CDK5RAP2: variants seen among roughly 807,000 people sequenced by gnomAD.
CDK5RAP2 encodes the protein CDK5 regulatory subunit associated protein 2.
CDK5RAP2 carries 147 observed loss-of-function variants against 232.9 expected under a neutral mutation model. That is an observed-to-expected ratio of 0.63 (90% confidence interval 0.55 to 0.72). The LOEUF is 0.72. Among genes scored for constraint, CDK5RAP2 ranks in the 30% least tolerant of loss-of-function variants. The probability of loss-of-function intolerance (pLI) is 0.00; values close to 1 mark genes in which losing one functional copy is unlikely to be tolerated. For missense variants in CDK5RAP2, 2,195 were observed against 2,231.5 expected, an observed-to-expected ratio of 0.98 and a Z score of 0.33; for synonymous variants, 833 against 833.7, an observed-to-expected ratio of 1.00 and a Z score of 0.01.
chr9:120,574,285 A>G (rs2042953605), intron 1 of CDK5RAP2, among the ~76,000 whole-genome samples: 1 of 152,162 alleles, frequency 6.6e-6, no homozygotes, highest in African/African-American at 2.4e-5. Context: ...AGTCAGTTCC[A>G]ACTACACCTC....
intron 4 of CDK5RAP2, among the ~76,000 whole-genome samples, chr9:120,548,039 T>C (rs1367546526): frequency 1.3e-5 from 2 of 152,178 alleles, no homozygotes; most frequent in East Asian, 3.8e-4. Flanking sequence ...ATGGGGGCCT[T>C]AAGGACTATA....
chr9:120,446,946 T>C (rs1184506319), intron 22 of CDK5RAP2, among the ~76,000 whole-genome samples: 1 of 152,150 alleles, frequency 6.6e-6, no homozygotes, highest in East Asian at 1.9e-4. Flanking sequence ...TTTTCTCACG[T>C]TGTACATATG....
chr9:120,415,595 G>A (rs2131346309), intron 27 of CDK5RAP2, among the ~76,000 whole-genome samples: 1 of 152,296 alleles, frequency 6.6e-6, no homozygotes, highest in African/African-American at 2.4e-5. Context: ...AAAGGAATAT[G>A]TTATCCATTT....
intron 25 of CDK5RAP2, among the ~76,000 whole-genome samples, chr9:120,433,422 T>C (rs1193035764): frequency 1.3e-5 from 2 of 152,148 alleles, no homozygotes; most frequent in Non-Finnish European, 2.9e-5. Context: ...CATCCATAAT[T>C]TAATTCTTAC....
chr9:120,392,619 C>G (rs558258152), intron 36 of CDK5RAP2, among the ~76,000 whole-genome samples: 5 of 152,194 alleles, frequency 3.3e-5, no homozygotes, highest in Admixed American at 2.6e-4. Flanking sequence ...CTCCCCACCC[C>G]ACTGCTGCTC....
At chr9:120,484,772 G>C (rs556654868) in intron 14 of CDK5RAP2, among the ~76,000 whole-genome samples, 1 of 152,248 alleles carries the variant, frequency 6.6e-6, no homozygotes, top group South Asian at 2.1e-4. Flanking sequence ...CTGTGACCCA[G>C]GCTGGAGTGC....
At chr9:120,474,139 C>T (rs749666574) in intron 15 of CDK5RAP2, among the ~76,000 whole-genome samples, 14 of 152,062 alleles carry the variant, frequency 9.2e-5, no homozygotes, top group African/African-American at 2.9e-4. Flanking sequence ...CTTTGCTTTG[C>T]GATTGTGTTG....
intron 4 of CDK5RAP2, among the ~76,000 whole-genome samples, chr9:120,547,454 A>G (rs1383336447): frequency 1.3e-5 from 2 of 152,086 alleles, no homozygotes; most frequent in African/African-American, 4.8e-5. Context: ...AAATACAAAA[A>G]TTAGCCAGGA....
intron 4 of CDK5RAP2, among the ~76,000 whole-genome samples, chr9:120,549,971 A>C (rs1472711857): frequency 6.6e-6 from 1 of 152,230 alleles, no homozygotes; most frequent in African/African-American, 2.4e-5. Context: ...ACTCAAGGAG[A>C]GTTCTTTTTC....
intron 1 of CDK5RAP2, 142 bp from the exon 2 acceptor site, chr9:120,572,183 G>C: frequency 1.4e-6 from 1 of 721,786 alleles, no homozygotes; most frequent in Non-Finnish European, 2.5e-6. Flanking sequence ...ATGAAGCACA[G>C]AGGTTAAGAA....
At chr9:120,485,187 C>T (rs2038530369) in intron 14 of CDK5RAP2, among the ~76,000 whole-genome samples, 1 of 151,980 alleles carries the variant, frequency 6.6e-6, no homozygotes, top group African/African-American at 2.4e-5. Flanking sequence ...TGAAGTACAT[C>T]ACCCAGCACA....
intron 11 of CDK5RAP2, among the ~76,000 whole-genome samples, chr9:120,523,721 T>C (rs557687213): frequency 6.6e-6 from 1 of 152,364 alleles, no homozygotes; most frequent in Non-Finnish European, 1.5e-5. Context: ...GAGGAAGCTT[T>C]AGGCAGTATG....
chr9:120,491,125 G>C (rs536860165), intron 13 of CDK5RAP2, among the ~76,000 whole-genome samples, 182 bp downstream of exon 13: 2 of 152,126 alleles, frequency 1.3e-5, no homozygotes, highest in Non-Finnish European at 2.9e-5. Flanking sequence ...CCTTCTCTGA[G>C]TTTCTGTTTC....
chr9:120,568,877 C>T (rs1484733565), intron 2 of CDK5RAP2, among the ~76,000 whole-genome samples: 2 of 152,154 alleles, frequency 1.3e-5, no homozygotes, highest in African/African-American at 2.4e-5. Flanking sequence ...ACAAAAACAG[C>T]CACAAACAAT....
intron 4 of CDK5RAP2, among the ~76,000 whole-genome samples, chr9:120,550,455 T>A (rs1280834260): frequency 1.3e-5 from 2 of 152,234 alleles, no homozygotes; most frequent in Non-Finnish European, 2.9e-5. Flanking sequence ...TTACACAAGT[T>A]ACCTGGTAAC....
chr9:120,487,404 G>T lies in CDK5RAP2; in HGVS notation c.1516C>A (p.Gln506Lys), dbSNP rs767581633. 8 of 1,612,678 alleles carry T rather than the reference G, an allele frequency of 5.0e-6. No homozygotes were observed. Among genetic ancestry groups the T allele is most frequent in the Admixed American group, 3.3e-5 (2 of 59,986 alleles). ...FNEKDLEVIQ[Q>K]NCYLMAAEDL... Reference sequence around the variant, plus strand: ...TCTGCAGCCATTAAATAGCAGTTCTGCTGTATTACTTCCAAATCTTTTTCA... The same window carrying T: ...TCTGCAGCCATTAAATAGCAGTTCTTCTGTATTACTTCCAAATCTTTTTCA... Residue 506 changes from glutamine to lysine, a missense_variant, in exon 14 of 38, where the codon CAG becomes AAG. By Grantham distance (53) the Gln-to-Lys change is moderately conservative. Transcript: ENST00000349780.
At position 120,458,624 on chromosome 9, in the gene CDK5RAP2, T is replaced by A. The variant is rs1204244672; in HGVS notation, c.2203-2A>T. On this transcript the variant is annotated splice_acceptor_variant, in intron 19 of 37. Transcript: ENST00000349780. LOFTEE classifies it high-confidence loss of function. ...TCCTTTGGAAAGGTCTTTCATAATC[T>A]GCAAATAAAAGTATTTGGTCAAATA... The A allele has an allele frequency of 2.5e-6, 4 of 1,613,670 alleles. No individual in the cohort carries two copies. In the African/African-American group the frequency reaches 5.3e-5, roughly 22 times the overall value.
At chr9:120,479,535 T>C (rs2038195115) in intron 14 of CDK5RAP2, among the ~76,000 whole-genome samples, 1 of 152,116 alleles carries the variant, frequency 6.6e-6, no homozygotes, top group African/African-American at 2.4e-5. Flanking sequence ...CTGTGTACCA[T>C]CAGACAGGAC....
rs755856294 is a variant in CDK5RAP2, at chr9:120,530,027, A to G, written c.776T>C (p.Leu259Pro). Reference protein sequence around the residue: ...CPDENVSSGELRGLCAAPREE... With the variant: ...CPDENVSSGEPRGLCAAPREE... ...CCTTGGAGCAGCACAAAGTCCTCGG[A>G]GCTCTCCAGATGACACATTCTCATC... Residue 259 changes from leucine to proline, a missense_variant, in exon 8 of 38, where the codon CTC becomes CCC. Physicochemically the swap from Leu to Pro is moderately conservative, Grantham distance 98 (BLOSUM62 -3). Coordinates refer to ENST00000349780, the MANE Select transcript of CDK5RAP2 (RefSeq NM_018249.6). 1 of 1,614,052 alleles carries G rather than the reference A, an allele frequency of 6.2e-7. No individual in the cohort carries two copies. Among genetic ancestry groups the G allele is most frequent in the Non-Finnish European group, 8.5e-7 (1 of 1,179,918 alleles).
Sources: gnomAD v4.1 joint callset for allele counts (sites outside exome capture counted in the v4.1 genomes callset) on GRCh38, gnomAD v4.1.1 for gene constraint, MANE v1.5 for transcripts, NCBI Gene and HGNC (gene_info 2026-07-23, HGNC 2026-07-21) for gene names.